ATAD5: variants seen among roughly 807,000 people sequenced by gnomAD.
ATAD5 encodes the protein ATPase family AAA domain-containing protein 5.
ATAD5 carries 58 observed loss-of-function variants against 176.9 expected under a neutral mutation model. That is an observed-to-expected ratio of 0.33 (90% CI 0.27 to 0.41). ATAD5 has a LOEUF of 0.41. Among genes scored for constraint, ATAD5 ranks in the 10% least tolerant of loss-of-function variants. The pLI is 1.00. For synonymous variants in ATAD5, 640 were observed against 712.6 expected, an observed-to-expected ratio of 0.90 and a Z score of 1.62; for missense variants, 1,789 against 2,094.1, an observed-to-expected ratio of 0.85 and a Z score of 2.84.
Position 30,889,875 on chromosome 17 carries a change from T to C in ATAD5, c.4258+2503T>C, listed in dbSNP as rs564144361. 5.4e-5 allele frequency among the ~76,000 whole-genome samples: 8 copies of C among 147,958 alleles called. No individual in the cohort carries two copies. The East Asian group carries it at 1.6e-3, about 29-fold the overall frequency. On this transcript the variant is annotated intron_variant, in intron 19 of 22. Transcript: ENST00000321990. ...TAACGTATTCTTTTTCTTTTTTCTT[T>C]TCTTTTCTTTCTTTTTTTTTTTTTT...
chr17:30,894,586 G>A lies in ATAD5; in HGVS notation c.5320G>A (p.Val1774Ile). ...NLDNAWKRIS[V>I]IKSVFSSRSL... ...CAGCAATGCTTGGAAGAGGATATCA[G>A]TCATTAAAAGTGTATTTTCGAGTCG... Residue 1774 changes from valine to isoleucine, a missense_variant, in exon 22 of 23, where the codon GTC becomes ATC. Around this residue, in one of 6 missense-constraint regions of ATAD5, gnomAD observed 403 missense variants for 495.1 expected, o/e 0.81. Transcript: ENST00000321990. 1 of 1,608,712 alleles carries A rather than the reference G, an allele frequency of 6.2e-7. No individual in the cohort carries two copies. The highest frequency in any genetic ancestry group is 8.5e-7 in the Non-Finnish European group (1 of 1,178,746).
Position 30,855,186 on chromosome 17 carries a change from A to G in ATAD5, c.2494A>G (p.Lys832Glu), listed in dbSNP as rs773347061. The change falls in exon 7 of 23, where the codon AAA becomes GAA. Residue 832 changes from lysine (K) to glutamate (E), a missense_variant. Around this residue, in one of 6 missense-constraint regions of ATAD5, gnomAD observed 487 missense variants for 573.6 expected, o/e 0.85. Coordinates refer to ENST00000321990, the MANE Select transcript of ATAD5 (RefSeq NM_024857.5). ...EKSQDCDVQC[K>E]AKRDFLMSGL... ...ATCTCAGGATTGTGATGTTCAATGT[A>G]AAGCAAAGCGTGACTTCCTAATGAG... The G allele has an allele frequency of 1.2e-5, 20 of 1,612,398 alleles. No individual in the cohort carries two copies. Among genetic ancestry groups the G allele is most frequent in the Non-Finnish European group, 1.7e-5 (20 of 1,179,570 alleles).
chr17:30,874,142 G>A, intron 14 of ATAD5, among the ~76,000 whole-genome samples: 1 of 149,224 alleles, frequency 6.7e-6, no homozygotes, highest in Non-Finnish European at 1.5e-5. Context: ...TCCAGCCTGG[G>A]CGACAGTGTG....
At chr17:30,876,970 G>C (rs1203647924) in intron 15 of ATAD5, among the ~76,000 whole-genome samples, 2 of 151,890 alleles carry the variant, frequency 1.3e-5, no homozygotes, top group Non-Finnish European at 2.9e-5. Flanking sequence ...ACCCACCTTA[G>C]CATCCCAAAG....
At chr17:30,844,631 C>G (rs1597958157) in intron 5 of ATAD5, among the ~76,000 whole-genome samples, 1 of 142,644 alleles carries the variant, frequency 7.0e-6, no homozygotes, top group Admixed American at 7.3e-5. Context: ...ACCCGTAGTT[C>G]CAGCTACTCG....
At chr17:30,859,455 A>G (rs9915779) in intron 9 of ATAD5, among the ~76,000 whole-genome samples, 20,014 of 151,832 alleles carry the variant, frequency 0.13, 1,460 homozygotes, top group South Asian at 0.24. Context: ...TGCCTCCCAG[A>G]TTTGAGTGAT....
chr17:30,874,345 A>G (rs1016485603), intron 14 of ATAD5, among the ~76,000 whole-genome samples: 5 of 151,400 alleles, frequency 3.3e-5, no homozygotes, highest in African/African-American at 1.2e-4. Context: ...GATTGAGACC[A>G]TCCTGGCCAA....
chr17:30,878,718 G>GTGTTTTTTTT (rs1908813405), intron 17 of ATAD5, among the ~76,000 whole-genome samples: 1 of 56,838 alleles, frequency 1.8e-5, no homozygotes. Context: ...GTTAGGTGGT[G>GTGTTTTTTTT]TTTTTTTTTT....
intron 7 of ATAD5, among the ~76,000 whole-genome samples, chr17:30,855,532 A>G (rs950799142): frequency 2.6e-5 from 4 of 152,114 alleles, no homozygotes; most frequent in Non-Finnish European, 2.9e-5. Flanking sequence ...TGGATGCTCA[A>G]GTTTCTTGTA....
chr17:30,839,199 C>G (rs541070573), intron 3 of ATAD5, among the ~76,000 whole-genome samples: 1 of 152,106 alleles, frequency 6.6e-6, no homozygotes, highest in Non-Finnish European at 1.5e-5. Context: ...ATATTCATAA[C>G]AGCTTATTGT....
At chr17:30,844,975 T>C in intron 6 of ATAD5, 59 bp downstream of exon 6, 1 of 1,372,890 alleles carries the variant, frequency 7.3e-7, no homozygotes, top group African/African-American at 1.5e-5. Flanking sequence ...TTTGTATTGA[T>C]GTGTTTACTT....
Position 30,869,664 on chromosome 17 carries a change from C to A in ATAD5, c.3607+18C>A. 6.4e-7 allele frequency: 1 copy of A among 1,570,240 alleles called. No homozygotes were observed. Among genetic ancestry groups the A allele is most frequent in the South Asian group, 1.2e-5 (1 of 83,676 alleles). On this transcript the variant is annotated intron_variant, in intron 14 of 22. Coordinates refer to ENST00000321990, the MANE Select transcript of ATAD5 (RefSeq NM_024857.5). ...GTCACCAAGTAAGTAAACTATTTTC[C>A]TTAAGCCATAATGTTTTGAAAAAAA...
intron 2 of ATAD5, among the ~76,000 whole-genome samples, chr17:30,836,912 A>C (rs1905780232): frequency 6.6e-6 from 1 of 151,956 alleles, no homozygotes; most frequent in Non-Finnish European, 1.5e-5. Context: ...GATGGGAATT[A>C]TTTTTTTCCT....
intron 1 of ATAD5, among the ~76,000 whole-genome samples, chr17:30,833,614 A>G (rs1466957676): frequency 6.6e-6 from 1 of 152,208 alleles, no homozygotes. Context: ...GAGCCTATGT[A>G]TGTTGCCTTT....
intron 1 of ATAD5, 142 bp from the exon 2 acceptor site, chr17:30,834,006 C>A: frequency 1.4e-6 from 1 of 715,858 alleles, no homozygotes; most frequent in Admixed American, 4.0e-5. Flanking sequence ...AGCCTATTTT[C>A]TTTCTAATAT....
intron 6 of ATAD5, among the ~76,000 whole-genome samples, chr17:30,851,495 CA>C (rs533451681): frequency 0.021 from 2,187 of 105,260 alleles, 23 homozygotes; most frequent in African/African-American, 0.037. Flanking sequence ...GACTCTGTCT[CA>C]AAAAAAAAAA....
At chr17:30,889,462 A>G (rs920795002) in intron 19 of ATAD5, among the ~76,000 whole-genome samples, 1 of 151,228 alleles carries the variant, frequency 6.6e-6, no homozygotes, top group Non-Finnish European at 1.5e-5. Flanking sequence ...TAAAAACATT[A>G]ATTTTTCTAT....
chr17:30,887,147 TATTTGAACTCAGC>T, intron 18 of ATAD5, 32 bp from the exon 19 acceptor site: 3 of 1,468,768 alleles, frequency 2.0e-6, no homozygotes, highest in Non-Finnish European at 2.7e-6. Context: ...TTGCTGTATC[TATTTGAACTCAGC>T]AGTTAACCAC....
chr17:30,881,607 T>C (rs1909015627), intron 18 of ATAD5, among the ~76,000 whole-genome samples: 1 of 151,880 alleles, frequency 6.6e-6, no homozygotes, highest in South Asian at 2.1e-4. Context: ...CCGACCCTGT[T>C]CTTACTTTTA....
Sources: allele counts gnomAD v4.1 joint callset (sites outside exome capture counted in the v4.1 genomes callset), GRCh38; gene constraint gnomAD v4.1.1; regional missense constraint gnomAD v4.1.1; transcripts MANE v1.5; gene names NCBI Gene and HGNC (gene_info 2026-07-23, HGNC 2026-07-21).